SZRD1: variants seen among roughly 807,000 people sequenced by gnomAD.
SZRD1 encodes SUZ RNA-binding domain-containing.
SZRD1 carries 7 observed loss-of-function variants against 17.6 expected under a neutral mutation model. The ratio of observed to expected loss-of-function variants is 0.40; its 90% confidence interval spans 0.23 to 0.75. SZRD1 has a LOEUF of 0.75. Among genes scored for constraint, SZRD1 ranks in the 30% least tolerant of loss-of-function variants. The pLI, the probability that SZRD1 is intolerant of heterozygous loss-of-function variation, is 0.38. For synonymous variants in SZRD1, 77 were observed against 77.9 expected (o/e 0.99, Z 0.06); for missense variants, 178 against 201.8 (o/e 0.88, Z 0.71).
At chr1:16,372,021 A>G (rs2082923115) in intron 1 of SZRD1, among the ~76,000 whole-genome samples, 1 of 152,126 alleles carries the variant, frequency 6.6e-6, no homozygotes, top group Non-Finnish European at 1.5e-5. Flanking sequence ...ATCAAGTCCT[A>G]TTGTGTCATT....
chr1:16,373,589 A>C (rs1273725987), intron 1 of SZRD1, among the ~76,000 whole-genome samples: 3 of 151,782 alleles, frequency 2.0e-5, no homozygotes, highest in African/African-American at 4.8e-5. Context: ...CAAAAAAAAA[A>C]AAAAAACAAA....
At chr1:16,385,853 T>G (rs2083179682) in intron 1 of SZRD1, among the ~76,000 whole-genome samples, 1 of 152,218 alleles carries the variant, frequency 6.6e-6, no homozygotes, top group African/African-American at 2.4e-5. Context: ...TGTTGACATC[T>G]GATCCCATTC....
chr1:16,393,489 G>C lies in SZRD1; in HGVS notation c.356+7G>C. On this transcript the variant is annotated splice_region_variant and intron_variant, in intron 3 of 3. Coordinates refer to ENST00000401088, the MANE Select transcript of SZRD1 (RefSeq NM_001114600.3). The surrounding 1 kb of genome is among the most constrained non-coding windows in gnomAD (Gnocchi z 5.6). The stretch of plus-strand genomic sequence containing the variant: ...AGAAACCCATCCTCGACAGGTGAGT[G>C]TGGCTGGCAGGGCCGGCCAGTGATG... 6.2e-7 allele frequency: 1 copy of C among 1,603,698 alleles called. No homozygotes were observed. The highest frequency in any genetic ancestry group is 8.5e-7 in the Non-Finnish European group (1 of 1,175,928).
At chr1:16,368,553 A>G (rs983910110) in intron 1 of SZRD1, among the ~76,000 whole-genome samples, 5 of 152,194 alleles carry the variant, frequency 3.3e-5, no homozygotes, top group Non-Finnish European at 5.9e-5. Context: ...GATATTTAGT[A>G]GAGTTCTTAA....
At chr1:16,390,622 T>G (rs1199841362) in intron 1 of SZRD1, 2 of 152,198 alleles carry the variant, frequency 1.3e-5, no homozygotes, top group African/African-American at 4.8e-5. Flanking sequence ...ACTCTAAGCC[T>G]TTCGGTAGGT....
In SZRD1 at chr1:16,396,744, T is replaced by G. The variant is rs2085318177; in HGVS notation, c.*1604T>G. ...CTCACAGGCTCACTCCCTCGTTGGTTCCCTGTGGGAATGGTAGGCCAGGCC... is the reference window on the plus strand; with the variant it reads ...CTCACAGGCTCACTCCCTCGTTGGTGCCCTGTGGGAATGGTAGGCCAGGCC... On this transcript the variant is annotated 3_prime_UTR_variant, in exon 4 of 4. Coordinates refer to ENST00000401088, the MANE Select transcript of SZRD1 (RefSeq NM_001114600.3). The G allele has an allele frequency of 1.3e-5, 2 of 152,420 alleles. No homozygotes were observed. Among genetic ancestry groups the G allele is most frequent in the African/African-American group, 2.4e-5 (1 of 41,564 alleles). The allele number at this position is 152,420 out of a possible 1,614,324, so 9.4% of individuals were successfully genotyped here.
At position 16,379,922 on chromosome 1, in the gene SZRD1, C is replaced by T. The variant is rs910731694; in HGVS notation, c.52-11453C>T. ...ATTACAGGCGCCAGCCACCACACCC[C>T]GCTAATTTTTTGTATTTTTAGTAGA... On this transcript the variant is annotated intron_variant, in intron 1 of 3. Coordinates refer to ENST00000401088, the MANE Select transcript of SZRD1 (RefSeq NM_001114600.3). Among the ~76,000 whole-genome samples, 23 of 151,914 alleles carry T rather than the reference C, an allele frequency of 1.5e-4. No individual in the cohort carries two copies. In the East Asian group the frequency reaches 3.3e-3, roughly 22 times the overall value.
At chr1:16,374,920 G>A (rs1361731405) in intron 1 of SZRD1, among the ~76,000 whole-genome samples, 2 of 152,054 alleles carry the variant, frequency 1.3e-5, no homozygotes, top group African/African-American at 2.4e-5. Context: ...CTCTGTCGCC[G>A]AGGCTGGAGT....
intron 1 of SZRD1, chr1:16,387,461 G>A (rs1282612946): frequency 2.2e-6 from 1 of 452,832 alleles, no homozygotes; most frequent in African/African-American, 2.0e-5. Context: ...AAAATTCAGT[G>A]CATTGCCATA....
rs2085222381 is a variant in SZRD1 at position 16,391,527 on chromosome 1, A to G, written c.101+103A>G. The G allele has an allele frequency of 9.9e-7, 1 of 1,009,492 alleles. No homozygotes were observed. Among genetic ancestry groups the G allele is most frequent in the Non-Finnish European group, 1.5e-6 (1 of 671,800 alleles). The allele number at this position is 1,009,492 out of a possible 1,614,324, so 62.5% of individuals were successfully genotyped here. A position where few individuals can be genotyped will look rare whatever the true frequency, so the allele number is the denominator to read the frequency against. On this transcript the variant is annotated intron_variant, in intron 2 of 3. Transcript: ENST00000401088. The surrounding 1 kb of genome is among the most constrained non-coding windows in gnomAD (Gnocchi z 4.3). ...GCCATTAGGATTAGCAGGTCCTAGC[A>G]GGTCAGGCTCTGGGGCAGCAAACCC...
chr1:16,385,114 C>G (rs1285556535), intron 1 of SZRD1, among the ~76,000 whole-genome samples: 3 of 152,184 alleles, frequency 2.0e-5, no homozygotes, highest in African/African-American at 7.2e-5. Context: ...TCTTAGATCT[C>G]TGTTCAATAT....
chr1:16,386,361 C>T (rs560250703), intron 1 of SZRD1, among the ~76,000 whole-genome samples: 38 of 152,208 alleles, frequency 2.5e-4, no homozygotes, highest in Non-Finnish European at 5.3e-4. Context: ...TTAGGTAGTA[C>T]GATTCCTTAT....
Position 16,393,544 on chromosome 1 carries a change from G to A in SZRD1, c.356+62G>A. On this transcript the variant is annotated intron_variant, in intron 3 of 3. Transcript: ENST00000401088. The surrounding 1 kb of genome is among the most constrained non-coding windows in gnomAD (Gnocchi z 5.6). ...TCCCAGTCCACCCGGGAAGAGGAGA[G>A]CATCCTGGCTGCGTGTAGAGTAGTG... is the stretch of plus-strand genomic sequence containing the variant. The A allele has an allele frequency of 6.6e-7, 1 of 1,521,698 alleles. No homozygotes were observed. 94.3% of individuals were successfully genotyped at this position (1,521,698 alleles called of 1,614,324 possible).
chr1:16,381,854 G>A (rs1342539828), intron 1 of SZRD1, among the ~76,000 whole-genome samples: 1 of 151,942 alleles, frequency 6.6e-6, no homozygotes, highest in African/African-American at 2.4e-5. Context: ...GAACCCAGGA[G>A]GTGGAGGTTG....
intron 1 of SZRD1, among the ~76,000 whole-genome samples, chr1:16,385,507 A>G (rs902857860): frequency 5.3e-5 from 8 of 152,028 alleles, no homozygotes; most frequent in African/African-American, 1.9e-4. Flanking sequence ...AGAATAGCCT[A>G]TTTCTTCCTC....
intron 1 of SZRD1, among the ~76,000 whole-genome samples, chr1:16,373,942 T>C (rs2100698939): frequency 6.6e-6 from 1 of 152,256 alleles, no homozygotes; most frequent in East Asian, 1.9e-4. Context: ...ACTTTGATTT[T>C]CTTCTCTTTC....
chr1:16,369,828 G>T (rs955483999), intron 1 of SZRD1, among the ~76,000 whole-genome samples: 3 of 150,688 alleles, frequency 2.0e-5, no homozygotes, highest in African/African-American at 2.4e-5. Flanking sequence ...GGCGGAGGTT[G>T]CAGTGAGCCG....
chr1:16,371,500 C>G lies in SZRD1; in HGVS notation c.51+4192C>G, dbSNP rs193133535. 2.3e-3 allele frequency among the ~76,000 whole-genome samples: 310 copies of G among 135,954 alleles called. 1 individual carries two copies. The highest frequency in any genetic ancestry group is 8.1e-3 in the African/African-American group (292 of 35,984). 89.2% of individuals were successfully genotyped at this position (135,954 alleles called of 152,430 possible). A position where few individuals can be genotyped will look rare whatever the true frequency, so the allele number is the denominator to read the frequency against. On this transcript the variant is annotated intron_variant, in intron 1 of 3. Transcript: ENST00000401088. ...TTCCCGAGATGGAGTCTTGCTCTGT[C>G]GCCCAGGCTGGAGTGCAGTGGCGCA... is the stretch of plus-strand genomic sequence containing the variant.
chr1:16,380,058 GCTTA>G (rs1232569891), intron 1 of SZRD1, among the ~76,000 whole-genome samples: 1 of 152,088 alleles, frequency 6.6e-6, no homozygotes, highest in East Asian at 1.9e-4. Flanking sequence ...CTCTCATAAG[GCTTA>G]CTTTCTACTG....
Sources: gnomAD v4.1 joint callset for allele counts (sites outside exome capture counted in the v4.1 genomes callset) on GRCh38, gnomAD v4.1.1 for gene constraint, Gnocchi (gnomAD v3.1) non-coding constraint, MANE v1.5 for transcripts, NCBI Gene and HGNC (gene_info 2026-07-23, HGNC 2026-07-21) for gene names.